PRICKLE2: variants seen among roughly 807,000 people sequenced by gnomAD.
PRICKLE2 encodes the protein prickle-like protein 2.
In PRICKLE2, 21 loss-of-function variants were observed where a neutral mutation model predicts 81.4. The observed-to-expected ratio is 0.26, with a 90% CI of 0.18 to 0.37. The LOEUF (loss-of-function observed/expected upper bound fraction) is 0.37. Ranked by LOEUF, PRICKLE2 falls within the 10% of genes least tolerant of loss-of-function variation. The probability of loss-of-function intolerance (pLI) is 1.00; values close to 1 mark genes in which losing one functional copy is unlikely to be tolerated. For synonymous variants in PRICKLE2, 456 were observed against 421.5 expected (o/e 1.08, Z -1.00); for missense variants, 940 against 1,109.0 (o/e 0.85, Z 2.16).
chr3:64,252,851 C>T (rs1208787587), intron 2 of PRICKLE2, among the ~76,000 whole-genome samples: 1 of 152,188 alleles, frequency 6.6e-6, no homozygotes, highest in African/African-American at 2.4e-5. Context: ...TCTGTCATGA[C>T]TATTCAACTC....
chr3:64,110,660 A>G (rs2076829764), intron 7 of PRICKLE2, among the ~76,000 whole-genome samples: 1 of 152,154 alleles, frequency 6.6e-6, no homozygotes, highest in African/African-American at 2.4e-5. Flanking sequence ...AGCCAAGGGC[A>G]GGGAAAAGTG....
intron 1 of PRICKLE2, among the ~76,000 whole-genome samples, chr3:64,214,475 G>C (rs1172502971): frequency 1.3e-5 from 2 of 152,150 alleles, no homozygotes; most frequent in Non-Finnish European, 2.9e-5. Context: ...AAAATTCTCA[G>C]GGTTTTCTAC....
chr3:64,141,332 T>C (rs2077358040), intron 7 of PRICKLE2, among the ~76,000 whole-genome samples: 1 of 152,232 alleles, frequency 6.6e-6, no homozygotes, highest in Non-Finnish European at 1.5e-5. Context: ...CAGTGCCTCA[T>C]GTACACCATC....
intron 1 of PRICKLE2, among the ~76,000 whole-genome samples, chr3:64,224,422 C>T (rs1276748210): frequency 6.6e-6 from 1 of 152,180 alleles, no homozygotes; most frequent in Non-Finnish European, 1.5e-5. Context: ...GAAGCTCTGT[C>T]ACCATTTCTA....
chr3:64,240,458 C>G (rs1575704469), intron 2 of PRICKLE2, among the ~76,000 whole-genome samples: 1 of 152,200 alleles, frequency 6.6e-6, no homozygotes, highest in African/African-American at 2.4e-5. Context: ...CCAAGGGATA[C>G]TCTTCAAATT....
chr3:64,237,719 C>T (rs754601349), intron 2 of PRICKLE2, among the ~76,000 whole-genome samples: 11 of 151,824 alleles, frequency 7.2e-5, no homozygotes, highest in African/African-American at 2.2e-4. Flanking sequence ...AGGGCTTCAC[C>T]GGGGGGCCCC....
chr3:64,210,139 G>A (rs988297873), intron 1 of PRICKLE2, among the ~76,000 whole-genome samples: 1 of 152,040 alleles, frequency 6.6e-6, no homozygotes. Flanking sequence ...TTCAGGGGAC[G>A]GTGCCATTTT....
chr3:64,205,145 G>A (rs891624207), intron 1 of PRICKLE2, among the ~76,000 whole-genome samples: 5 of 149,324 alleles, frequency 3.3e-5, no homozygotes, highest in Non-Finnish European at 5.9e-5. Flanking sequence ...GCTTCATTCT[G>A]TCAGAGTTGA....
At chr3:64,164,323 C>G (rs979850158) in intron 2 of PRICKLE2, among the ~76,000 whole-genome samples, 1 of 152,026 alleles carries the variant, frequency 6.6e-6, no homozygotes, top group African/African-American at 2.4e-5. Flanking sequence ...GGCAACAGAG[C>G]AAGACTCTTT....
At chr3:64,240,166 A>T (rs149515462) in intron 2 of PRICKLE2, among the ~76,000 whole-genome samples, 75 of 152,100 alleles carry the variant, frequency 4.9e-4, no homozygotes, top group Non-Finnish European at 9.4e-4. Flanking sequence ...TGTTCTTTCC[A>T]TTCCATCCTA....
intron 6 of PRICKLE2, among the ~76,000 whole-genome samples, chr3:64,150,924 C>G (rs1039325140): frequency 2.0e-5 from 3 of 152,204 alleles, no homozygotes; most frequent in African/African-American, 7.2e-5. Flanking sequence ...CTCCTGAACT[C>G]TAAACATCTG....
intron 7 of PRICKLE2, among the ~76,000 whole-genome samples, chr3:64,142,291 G>GGAA (rs1421266812): frequency 6.7e-6 from 1 of 149,230 alleles, no homozygotes; most frequent in Non-Finnish European, 1.5e-5. Flanking sequence ...GGAGCCTGCA[G>GGAA]GAGTATTTTC....
chr3:64,099,285 G>GGGTCCCCAGC lies in PRICKLE2; in HGVS notation c.2291_2300dup (p.Tyr768LeufsTer9). 1 of 1,614,214 alleles carries GGGTCCCCAGC rather than the reference G, an allele frequency of 6.2e-7. No individual in the cohort carries two copies. The highest frequency in any genetic ancestry group is 8.5e-7 in the Non-Finnish European group (1 of 1,180,044). ...AACACCAATCATACTCGGCGAAGTA[G>GGGTCCCCAGC]GGTCCCCAGCGGTCCCCAAAGGCAT... On this transcript the variant is annotated frameshift_variant, in exon 8 of 8. Transcript: ENST00000638394. LOFTEE classifies it high-confidence loss of function. This position sits in a 1 kb window ranked among gnomAD's most constrained non-coding sequence, Gnocchi z 4.3.
chr3:64,246,081 A>C (rs1041063703), intron 2 of PRICKLE2, among the ~76,000 whole-genome samples: 1 of 152,222 alleles, frequency 6.6e-6, no homozygotes, highest in Admixed American at 6.5e-5. Context: ...CCCTCTGCAA[A>C]AAACACAAAA....
At chr3:64,238,105 C>T (rs753610224) in intron 2 of PRICKLE2, among the ~76,000 whole-genome samples, 1 of 152,194 alleles carries the variant, frequency 6.6e-6, no homozygotes, top group African/African-American at 2.4e-5. Context: ...AGGGTCCAAA[C>T]TATAAGAAGC....
chr3:64,099,945 A>G lies in PRICKLE2; in HGVS notation c.1661-20T>C, dbSNP rs1412092153. ...AGAGGCCTGGGGAAGAGAGGAGGGG[A>G]CCACAGAGATTAATACAGATGTGCA... On this transcript the variant is annotated intron_variant, in intron 7 of 7. Coordinates refer to ENST00000638394, the MANE Select transcript of PRICKLE2 (RefSeq NM_198859.4). The surrounding 1 kb of genome is among the most constrained non-coding windows in gnomAD (Gnocchi z 4.3). 6.2e-7 allele frequency: 1 copy of G among 1,613,368 alleles called. No individual in the cohort carries two copies. Among genetic ancestry groups the G allele is most frequent in the Non-Finnish European group, 8.5e-7 (1 of 1,179,784 alleles).
At chr3:64,224,673 G>A (rs1462733) in intron 1 of PRICKLE2, among the ~76,000 whole-genome samples, 2,487 of 152,176 alleles carry the variant, frequency 0.016, 53 homozygotes, top group African/African-American at 0.055. Flanking sequence ...TAAGCATCAA[G>A]ATTTAAGCGT....
At chr3:64,238,493 AAAAAAAAG>A (rs1314992640) in intron 2 of PRICKLE2, among the ~76,000 whole-genome samples, 1 of 151,780 alleles carries the variant, frequency 6.6e-6, no homozygotes, top group Non-Finnish European at 1.5e-5. Flanking sequence ...CTCAAAAAAA[AAAAAAAAG>A]AAAAAAGAAA....
At chr3:64,109,609 T>G (rs1198569465) in intron 7 of PRICKLE2, among the ~76,000 whole-genome samples, 2 of 150,884 alleles carry the variant, frequency 1.3e-5, no homozygotes, top group Admixed American at 1.3e-4. Context: ...AGGAGGGGAG[T>G]GTGCATAACT....
Sources: gnomAD v4.1 joint callset for allele counts (sites outside exome capture counted in the v4.1 genomes callset) on GRCh38, gnomAD v4.1.1 for gene constraint, Gnocchi (gnomAD v3.1) non-coding constraint, MANE v1.5 for transcripts, NCBI Gene and HGNC (gene_info 2026-07-23, HGNC 2026-07-21) for gene names.